The following MAST4 variants were observed in gnomAD, a reference collection of about 807,000 sequenced individuals.
The protein encoded by MAST4 is microtubule associated serine/threonine kinase family member 4.
In MAST4, 89 loss-of-function variants were observed where a neutral mutation model predicts 162.7. That is an observed-to-expected ratio of 0.55 (90% CI 0.46 to 0.65). The LOEUF is 0.65. MAST4 is among the 30% of genes least tolerant of loss of function. MAST4 has a pLI of 0.00. For synonymous variants in MAST4, 1,479 were observed against 1,361.1 expected (o/e 1.09, Z -1.91); for missense variants, 3,153 against 3,374.0 (o/e 0.93, Z 1.62).
chr5:66,879,357 CACACATATATAT>C (rs1404626059), intron 3 of MAST4, among the ~76,000 whole-genome samples: 1 of 40,290 alleles, frequency 2.5e-5, no homozygotes, highest in African/African-American at 5.3e-5. Flanking sequence ...CACACACACA[CACACATATATAT>C]ATATATATAT....
intron 4 of MAST4, among the ~76,000 whole-genome samples, chr5:66,927,893 T>A (rs1765022500): frequency 6.6e-6 from 1 of 152,212 alleles, no homozygotes; most frequent in Non-Finnish European, 1.5e-5. Flanking sequence ...TCCATGCCTC[T>A]TCTAGCTTCT....
At chr5:66,658,070 A>G (rs961481036) in intron 1 of MAST4, among the ~76,000 whole-genome samples, 5 of 152,222 alleles carry the variant, frequency 3.3e-5, no homozygotes, top group Non-Finnish European at 2.9e-5. Flanking sequence ...TTTCCAGTCC[A>G]GGGTAACCTG....
At chr5:66,817,574 C>T (rs981665218) in intron 3 of MAST4, among the ~76,000 whole-genome samples, 1 of 152,138 alleles carries the variant, frequency 6.6e-6, no homozygotes, top group East Asian at 1.9e-4. Flanking sequence ...ATTAATTTAT[C>T]TAATTGATGA....
chr5:66,786,058 G>A (rs986789889), intron 2 of MAST4, among the ~76,000 whole-genome samples: 9 of 151,924 alleles, frequency 5.9e-5, no homozygotes, highest in African/African-American at 2.2e-4. Flanking sequence ...TTGTAGAGAC[G>A]GGACCTCACT....
intron 4 of MAST4, among the ~76,000 whole-genome samples, chr5:66,927,928 T>C (rs1472938359): frequency 1.3e-5 from 2 of 152,204 alleles, no homozygotes; most frequent in African/African-American, 4.8e-5. Flanking sequence ...AATCTTTTGC[T>C]TTCCTTGGCT....
At chr5:66,709,697 A>T (rs1431741757) in intron 1 of MAST4, among the ~76,000 whole-genome samples, 1 of 152,180 alleles carries the variant, frequency 6.6e-6, no homozygotes, top group African/African-American at 2.4e-5. Flanking sequence ...AAAACATATC[A>T]ATTATAAACA....
intron 2 of MAST4, among the ~76,000 whole-genome samples, chr5:66,762,739 A>G (rs949454793): frequency 6.6e-6 from 1 of 152,242 alleles, no homozygotes; most frequent in Admixed American, 6.5e-5. Context: ...CTGTTACTTA[A>G]CAACTGACCA....
intron 4 of MAST4, among the ~76,000 whole-genome samples, chr5:67,018,209 A>C (rs1465487732): frequency 6.6e-6 from 1 of 152,206 alleles, no homozygotes; most frequent in East Asian, 1.9e-4. Flanking sequence ...AAAGATAAGC[A>C]AACTAAATTG....
intron 1 of MAST4, among the ~76,000 whole-genome samples, chr5:66,623,917 G>T (rs965768686): frequency 1.3e-5 from 2 of 151,990 alleles, no homozygotes; most frequent in African/African-American, 4.8e-5. Context: ...AGTAAAGTAA[G>T]ATACAAAAAT....
At chr5:66,929,061 G>A (rs1229510981) in intron 4 of MAST4, among the ~76,000 whole-genome samples, 1 of 152,156 alleles carries the variant, frequency 6.6e-6, no homozygotes, top group Non-Finnish European at 1.5e-5. Context: ...CATGATTATG[G>A]AGCTTGAGAA....
At chr5:67,121,752 C>G (rs1368934284) in intron 14 of MAST4, among the ~76,000 whole-genome samples, 1 of 151,934 alleles carries the variant, frequency 6.6e-6, no homozygotes, top group Admixed American at 6.6e-5. Flanking sequence ...GCATTCAAAG[C>G]CATCCTGGGT....
rs563784720 is a variant in MAST4 at position 67,012,140 on chromosome 5, C to T, written c.675-42264C>T. ...TGCTTGCTTCTCTTTACACATCTAT[C>T]CTGTTATCAGAAGCTCAAGTAATAC... On this transcript the variant is annotated intron_variant, in intron 4 of 28. Coordinates refer to ENST00000403625, the MANE Select transcript of MAST4 (RefSeq NM_001164664.2). Among the ~76,000 whole-genome samples, 3 of 152,180 alleles carry T rather than the reference C, an allele frequency of 2.0e-5. No homozygotes were observed. In the South Asian group the frequency reaches 6.2e-4, roughly 32 times the overall value.
At chr5:66,738,651 T>G (rs1273719782) in intron 1 of MAST4, among the ~76,000 whole-genome samples, 1 of 152,202 alleles carries the variant, frequency 6.6e-6, no homozygotes, top group Admixed American at 6.5e-5. Context: ...GGTTCTGTGT[T>G]GCAAACATGT....
At chr5:66,719,046 C>T (rs1228214661) in intron 1 of MAST4, among the ~76,000 whole-genome samples, 1 of 152,142 alleles carries the variant, frequency 6.6e-6, no homozygotes, top group Middle Eastern at 3.2e-3. Context: ...GGAGAAGCGG[C>T]AGGTATTTCA....
chr5:66,696,127 C>T (rs1405543039), intron 1 of MAST4, among the ~76,000 whole-genome samples: 1 of 152,026 alleles, frequency 6.6e-6, no homozygotes. Context: ...TGCATGTTCT[C>T]ACTTATAAGT....
intron 1 of MAST4, among the ~76,000 whole-genome samples, chr5:66,640,743 T>C (rs1745441267): frequency 6.6e-6 from 1 of 152,274 alleles, no homozygotes; most frequent in African/African-American, 2.4e-5. Context: ...TTTGGGCATG[T>C]ACCTAGAAAG....
At chr5:66,918,296 A>G (rs1283014128) in intron 4 of MAST4, among the ~76,000 whole-genome samples, 1 of 152,140 alleles carries the variant, frequency 6.6e-6, no homozygotes, top group African/African-American at 2.4e-5. Flanking sequence ...TGGTTGAGAG[A>G]TTTGTAAATA....
intron 4 of MAST4, among the ~76,000 whole-genome samples, chr5:66,901,371 G>C (rs1763000922): frequency 6.6e-6 from 1 of 151,868 alleles, no homozygotes; most frequent in African/African-American, 2.4e-5. Context: ...GTTAATTACA[G>C]AATTAGATTT....
chr5:67,062,396 CA>C lies in MAST4; in HGVS notation c.763+7915del, dbSNP rs928520402. ...CTGGGCGACAGAGCAAGATGGTCCCCAAAAAAAAAAATGTGAGGCTGGAGAC... is the reference window on the plus strand; with the variant it reads ...CTGGGCGACAGAGCAAGATGGTCCCCAAAAAAAAAATGTGAGGCTGGAGAC... On this transcript the variant is annotated intron_variant, in intron 5 of 28. Coordinates refer to ENST00000403625, the MANE Select transcript of MAST4 (RefSeq NM_001164664.2). Among the ~76,000 whole-genome samples, 725 of 143,970 alleles carry C rather than the reference CA, an allele frequency of 5.0e-3. 5 individuals are homozygous for C. The highest frequency in any genetic ancestry group is 0.015 in the African/African-American group (588 of 39,626). 94.4% of individuals were successfully genotyped at this position (143,970 alleles called of 152,430 possible). A position where few individuals can be genotyped will look rare whatever the true frequency, so the allele number is the denominator to read the frequency against.
Sources: gnomAD v4.1 joint callset for allele counts (sites outside exome capture counted in the v4.1 genomes callset) on GRCh38, gnomAD v4.1.1 for gene constraint, MANE v1.5 for transcripts, NCBI Gene and HGNC (gene_info 2026-07-23, HGNC 2026-07-21) for gene names.